The following ENOX1 variants were observed in gnomAD, a reference collection of about 807,000 sequenced individuals.
ENOX1 encodes ecto-NOX disulfide-thiol exchanger 1.
A neutral mutation model predicts 82.5 loss-of-function variants in ENOX1; 42 were observed. That is an observed-to-expected ratio of 0.51 (90% CI 0.40 to 0.66). The LOEUF is 0.66. Ranked by LOEUF, ENOX1 falls within the 30% of genes least tolerant of loss-of-function variation. The pLI, the probability that ENOX1 is intolerant of heterozygous loss-of-function variation, is 0.00. For missense variants in ENOX1, 608 were observed against 811.6 expected, an observed-to-expected ratio of 0.75 and a Z score of 3.05; for synonymous variants, 271 against 282.2, an observed-to-expected ratio of 0.96 and a Z score of 0.40.
intron 2 of ENOX1, among the ~76,000 whole-genome samples, chr13:43,571,885 G>A (rs1317374422): frequency 1.3e-5 from 2 of 151,994 alleles, no homozygotes; most frequent in African/African-American, 4.8e-5. Context: ...TATCAGACAA[G>A]CGGTGGGGCG....
chr13:43,767,123 G>A (rs1493524), intron 1 of ENOX1, among the ~76,000 whole-genome samples: 5,211 of 152,260 alleles, frequency 0.034, 224 homozygotes, highest in East Asian at 0.22. Context: ...CACGGGGAAT[G>A]AGAACCTTGG....
intron 2 of ENOX1, among the ~76,000 whole-genome samples, chr13:43,572,823 C>A (rs1278616117): frequency 1.3e-5 from 2 of 152,224 alleles, no homozygotes; most frequent in African/African-American, 4.8e-5. Flanking sequence ...TGGCATCTAT[C>A]CCTGCTGTTA....
chr13:43,435,649 AT>A, intron 3 of ENOX1, among the ~76,000 whole-genome samples: 1 of 152,190 alleles, frequency 6.6e-6, no homozygotes, highest in Non-Finnish European at 1.5e-5. Flanking sequence ...AAATACTTAC[AT>A]GCTGTTGGTG....
intron 1 of ENOX1, among the ~76,000 whole-genome samples, chr13:43,783,221 C>T (rs1412347285): frequency 6.6e-6 from 1 of 152,146 alleles, no homozygotes; most frequent in African/African-American, 2.4e-5. Context: ...AGGCAGGAAT[C>T]ATAGGACTTT....
chr13:43,548,607 A>G (rs776721981), intron 2 of ENOX1, among the ~76,000 whole-genome samples: 26 of 152,136 alleles, frequency 1.7e-4, no homozygotes, highest in Non-Finnish European at 2.6e-4. Context: ...GAGTTCAACA[A>G]ATGTCTCAGG....
chr13:43,426,371 T>C (rs2055300649), intron 3 of ENOX1, among the ~76,000 whole-genome samples: 1 of 152,224 alleles, frequency 6.6e-6, no homozygotes, highest in Admixed American at 6.5e-5. Context: ...CTGAATGTTC[T>C]TTGTGGGAAC....
At chr13:43,749,254 T>C (rs1260678013) in intron 1 of ENOX1, among the ~76,000 whole-genome samples, 1 of 152,156 alleles carries the variant, frequency 6.6e-6, no homozygotes, top group Non-Finnish European at 1.5e-5. Flanking sequence ...TTGACATCAA[T>C]AAGAACAAGG....
At chr13:43,614,842 G>A (rs1329601732) in intron 2 of ENOX1, among the ~76,000 whole-genome samples, 1 of 152,058 alleles carries the variant, frequency 6.6e-6, no homozygotes, top group Non-Finnish European at 1.5e-5. Context: ...TACAAAATGT[G>A]GTCTGAGGAC....
At chr13:43,568,324 G>T (rs79719940) in intron 2 of ENOX1, among the ~76,000 whole-genome samples, 4,831 of 152,224 alleles carry the variant, frequency 0.032, 245 homozygotes, top group African/African-American at 0.11. Context: ...CACAGAGAGT[G>T]GCACACACTG....
At chr13:43,707,681 C>T (rs1458777979) in intron 1 of ENOX1, among the ~76,000 whole-genome samples, 1 of 136,766 alleles carries the variant, frequency 7.3e-6, no homozygotes, top group Non-Finnish European at 1.5e-5. Flanking sequence ...TACAGTGAGC[C>T]GAGATCACGC....
At chr13:43,478,074 T>G (rs1343325147) in intron 3 of ENOX1, among the ~76,000 whole-genome samples, 3 of 149,730 alleles carry the variant, frequency 2.0e-5, no homozygotes, top group African/African-American at 4.9e-5. Flanking sequence ...TTTTTTTTTT[T>G]TTTTTTCATT....
chr13:43,505,912 T>C (rs574544156), intron 2 of ENOX1, among the ~76,000 whole-genome samples: 1 of 152,222 alleles, frequency 6.6e-6, no homozygotes, highest in South Asian at 2.1e-4. Flanking sequence ...TTAATCCATC[T>C]TGGATTAATT....
chr13:43,611,048 A>G (rs1026080612), intron 2 of ENOX1, among the ~76,000 whole-genome samples: 2 of 152,204 alleles, frequency 1.3e-5, no homozygotes, highest in Admixed American at 6.5e-5. Flanking sequence ...AGATAGTTCA[A>G]TAATGGCAGC....
At chr13:43,746,795 T>C (rs933022280) in intron 1 of ENOX1, among the ~76,000 whole-genome samples, 1 of 152,170 alleles carries the variant, frequency 6.6e-6, no homozygotes, top group African/African-American at 2.4e-5. Context: ...TCATAACATA[T>C]GGCCGATTTA....
At chr13:43,645,328 A>AT (rs558122865) in intron 2 of ENOX1, among the ~76,000 whole-genome samples, 12 of 149,520 alleles carry the variant, frequency 8.0e-5, no homozygotes, top group Non-Finnish European at 1.5e-4. Context: ...TGTCCAGTTA[A>AT]TTTTTTTTTT....
intron 1 of ENOX1, among the ~76,000 whole-genome samples, chr13:43,678,094 G>T (rs73186183): frequency 0.14 from 20,898 of 152,036 alleles, 1,905 homozygotes; most frequent in East Asian, 0.33. Context: ...TATCCAGGAG[G>T]CTGAATGGGG....
chr13:43,688,680 T>C (rs1364228922), intron 1 of ENOX1, among the ~76,000 whole-genome samples: 2 of 152,108 alleles, frequency 1.3e-5, no homozygotes, highest in African/African-American at 2.4e-5. Flanking sequence ...GCAATCAGAA[T>C]AGTAAAAATG....
chr13:43,722,246 G>A (rs374878942), intron 1 of ENOX1, among the ~76,000 whole-genome samples: 1 of 152,206 alleles, frequency 6.6e-6, no homozygotes, highest in Non-Finnish European at 1.5e-5. Flanking sequence ...TAACTGGAAG[G>A]TGTCTGTAGG....
intron 2 of ENOX1, among the ~76,000 whole-genome samples, chr13:43,503,789 G>T (rs991484131): frequency 2.0e-5 from 3 of 151,720 alleles, no homozygotes; most frequent in Non-Finnish European, 4.4e-5. Flanking sequence ...CTTCAGCAAT[G>T]ATTTATTGGA....
Sources: allele counts gnomAD v4.1 joint callset (sites outside exome capture counted in the v4.1 genomes callset), GRCh38; gene constraint gnomAD v4.1.1; transcripts MANE v1.5; gene names NCBI Gene and HGNC (gene_info 2026-07-23, HGNC 2026-07-21).